Variants in CASR observed in about 807,000 individuals in gnomAD.
The protein encoded by CASR is calcium sensing receptor.
A neutral mutation model predicts 69.1 loss-of-function variants in CASR; 23 were observed. That is an observed-to-expected ratio of 0.33 (90% CI 0.24 to 0.47). The LOEUF (loss-of-function observed/expected upper bound fraction) is 0.47, where lower values mean the gene tolerates loss of function less well. Among genes scored for constraint, CASR ranks in the 20% least tolerant of loss-of-function variants. CASR has a pLI of 1.00. For synonymous variants in CASR, 541 were observed against 544.7 expected, an observed-to-expected ratio of 0.99 and a Z score of 0.10; for missense variants, 924 against 1,356.1, an observed-to-expected ratio of 0.68 and a Z score of 5.00.
At chr3:122,255,955 G>A (rs1355827859) in intron 2 of CASR, among the ~76,000 whole-genome samples, 3 of 152,188 alleles carry the variant, frequency 2.0e-5, no homozygotes, top group Non-Finnish European at 4.4e-5. Context: ...CACTGATTCA[G>A]CACATTTACT....
chr3:122,205,134 AC>A (rs2073993920), intron 1 of CASR, among the ~76,000 whole-genome samples: 1 of 151,932 alleles, frequency 6.6e-6, no homozygotes, highest in South Asian at 2.1e-4. Context: ...ATGAAGTCTT[AC>A]CCAAAAAAAT....
intron 1 of CASR, among the ~76,000 whole-genome samples, chr3:122,184,025 G>A (rs1576807662): frequency 6.6e-6 from 1 of 152,288 alleles, no homozygotes; most frequent in African/African-American, 2.4e-5. Context: ...GCACGGGAGA[G>A]GGCAGGAGAG....
intron 6 of CASR, among the ~76,000 whole-genome samples, chr3:122,283,218 T>C (rs936599239): frequency 3.9e-5 from 6 of 152,198 alleles, no homozygotes; most frequent in African/African-American, 1.4e-4. Context: ...CTCACTAGAG[T>C]AGCCAGTTTA....
chr3:122,187,577 G>A (rs769659014), intron 1 of CASR, among the ~76,000 whole-genome samples: 1 of 152,158 alleles, frequency 6.6e-6, no homozygotes, highest in South Asian at 2.1e-4. Context: ...ATCAGGGTAC[G>A]TTCATGTATA....
At chr3:122,189,361 A>ACTAG (rs2073818835) in intron 1 of CASR, among the ~76,000 whole-genome samples, 1 of 152,238 alleles carries the variant, frequency 6.6e-6, no homozygotes, top group African/African-American at 2.4e-5. Flanking sequence ...TGGGTGCTTA[A>ACTAG]CTAGCTGATA....
chr3:122,224,007 C>A (rs1014309964), intron 1 of CASR, among the ~76,000 whole-genome samples: 2 of 152,102 alleles, frequency 1.3e-5, no homozygotes, highest in Non-Finnish European at 1.5e-5. Flanking sequence ...TATTAAAAAA[C>A]CCTCACCAAA....
chr3:122,267,795 C>T (rs1025482868), intron 4 of CASR, among the ~76,000 whole-genome samples: 20 of 152,086 alleles, frequency 1.3e-4, no homozygotes, highest in Admixed American at 8.5e-4. Flanking sequence ...AAAAAAATAA[C>T]GGAAAGTCCC....
At chr3:122,215,330 G>A (rs6783368) in intron 1 of CASR, among the ~76,000 whole-genome samples, 107,405 of 152,230 alleles carry the variant, frequency 0.71, 38,109 homozygotes, top group Admixed American at 0.81. Context: ...CTTCCACGTC[G>A]CTCAAGAGAT....
In CASR at chr3:122,285,177, G is replaced by A. The variant is rs748855270; in HGVS notation, c.3223G>A (p.Val1075Ile). The A allele has an allele frequency of 1.2e-6, 2 of 1,614,050 alleles. No homozygotes were observed. The highest frequency in any genetic ancestry group is 2.2e-5 in the South Asian group (2 of 91,078). Reference protein sequence around the residue: ...SGGGSTVTENVVNS With the variant: ...SGGGSTVTENIVNS ...TGGAGGCAGCACTGTTACAGAAAAC[G>A]TAGTGAATTCATAAAATGGAAGGAG... The change falls in exon 7 of 7, where the codon GTA (valine) becomes ATA (isoleucine). Residue 1075 changes from valine (V) to isoleucine (I), a missense_variant. Around this residue, in one of 8 missense-constraint regions of CASR, gnomAD observed 201 missense variants for 228.8 expected, o/e 0.88. Coordinates refer to ENST00000639785, the MANE Select transcript of CASR (RefSeq NM_000388.4).
At chr3:122,244,057 G>T (rs1476540346) in intron 1 of CASR, among the ~76,000 whole-genome samples, 1 of 152,048 alleles carries the variant, frequency 6.6e-6, no homozygotes. Context: ...GAGGAAGCAG[G>T]GGTGGTTAAT....
chr3:122,229,421 C>A (rs2074259163), intron 1 of CASR, among the ~76,000 whole-genome samples: 1 of 152,246 alleles, frequency 6.6e-6, no homozygotes, highest in South Asian at 2.1e-4. Context: ...CAGTCATGAA[C>A]AAATGAAGTG....
intron 1 of CASR, among the ~76,000 whole-genome samples, chr3:122,203,815 C>G (rs2073980338): frequency 6.6e-6 from 1 of 152,180 alleles, no homozygotes; most frequent in Admixed American, 6.5e-5. Context: ...AATTTTTTAG[C>G]TCCATCATAA....
chr3:122,264,782 G>A (rs2074669773), intron 4 of CASR, among the ~76,000 whole-genome samples: 1 of 152,162 alleles, frequency 6.6e-6, no homozygotes, highest in South Asian at 2.1e-4. Context: ...TGAGGTCTTG[G>A]CCAGGAGATG....
At chr3:122,188,341 G>GGAGA (rs1442071001) in intron 1 of CASR, among the ~76,000 whole-genome samples, 1 of 152,188 alleles carries the variant, frequency 6.6e-6, no homozygotes, top group Non-Finnish European at 1.5e-5. Context: ...GGTCAGTGAG[G>GGAGA]GAGAGGATTT....
At chr3:122,229,178 A>G (rs2074256435) in intron 1 of CASR, among the ~76,000 whole-genome samples, 2 of 152,262 alleles carry the variant, frequency 1.3e-5, no homozygotes, top group South Asian at 4.1e-4. Flanking sequence ...ACAGTCTTAA[A>G]TAAAATATAT....
chr3:122,192,952 T>C (rs2073853428), intron 1 of CASR, among the ~76,000 whole-genome samples: 1 of 152,224 alleles, frequency 6.6e-6, no homozygotes, highest in Non-Finnish European at 1.5e-5. Context: ...TTTAGCTTTC[T>C]GAAGAAGTGA....
At chr3:122,199,937 C>T (rs1002390672) in intron 1 of CASR, among the ~76,000 whole-genome samples, 6 of 152,036 alleles carry the variant, frequency 3.9e-5, no homozygotes, top group African/African-American at 1.4e-4. Flanking sequence ...GATGCAGTTT[C>T]GCTCTCATTG....
At chr3:122,200,516 T>A (rs1479916397) in intron 1 of CASR, among the ~76,000 whole-genome samples, 2 of 152,176 alleles carry the variant, frequency 1.3e-5, no homozygotes, top group Admixed American at 6.5e-5. Flanking sequence ...TTCAATTTTT[T>A]AAAAAATGTA....
At chr3:122,271,760 GC>G (rs1341383801) in intron 4 of CASR, among the ~76,000 whole-genome samples, 1 of 151,950 alleles carries the variant, frequency 6.6e-6, no homozygotes, top group African/African-American at 2.4e-5. Context: ...CACTCCCTAG[GC>G]CCCCAAAGCC....
Sources: allele counts gnomAD v4.1 joint callset (sites outside exome capture counted in the v4.1 genomes callset), GRCh38; gene constraint gnomAD v4.1.1; regional missense constraint gnomAD v4.1.1; transcripts MANE v1.5; gene names NCBI Gene and HGNC (gene_info 2026-07-23, HGNC 2026-07-21).